The following EXT2 variants were observed in gnomAD, a reference collection of about 807,000 sequenced individuals.
The protein encoded by EXT2 is exostosin-2.
In EXT2, 53 loss-of-function variants were observed where a neutral mutation model predicts 81.6. That is an observed-to-expected ratio of 0.65 (90% CI 0.52 to 0.82). The LOEUF is 0.82. Ranked by LOEUF, EXT2 falls within the 40% of genes least tolerant of loss-of-function variation. The pLI is 0.00. For missense variants in EXT2, 774 were observed against 910.2 expected, an observed-to-expected ratio of 0.85 and a Z score of 1.93; for synonymous variants, 320 against 340.0, an observed-to-expected ratio of 0.94 and a Z score of 0.65.
At chr11:44,240,679 A>G (rs1956027043) in intron 13 of EXT2, among the ~76,000 whole-genome samples, 1 of 152,256 alleles carries the variant, frequency 6.6e-6, no homozygotes, top group South Asian at 2.1e-4. Context: ...TGAGAAATTT[A>G]ACAGAGAATA....
intron 7 of EXT2, among the ~76,000 whole-genome samples, chr11:44,144,795 A>T (rs775687575): frequency 3.3e-5 from 5 of 152,092 alleles, no homozygotes; most frequent in African/African-American, 1.2e-4. Flanking sequence ...CAGAGTATTC[A>T]TGAAGTCCTC....
intron 8 of EXT2, among the ~76,000 whole-genome samples, chr11:44,173,622 G>T (rs1257925435): frequency 1.5e-5 from 2 of 135,548 alleles, no homozygotes; most frequent in African/African-American, 2.8e-5. Flanking sequence ...AGGCTGGAGT[G>T]CAGTAGCGCA....
chr11:44,189,419 T>A (rs1955361337), intron 8 of EXT2, among the ~76,000 whole-genome samples: 1 of 152,212 alleles, frequency 6.6e-6, no homozygotes, highest in Admixed American at 6.5e-5. Flanking sequence ...TGAGACTGGA[T>A]AATTTAGAAA....
chr11:44,208,584 T>C (rs1955611121), intron 10 of EXT2, among the ~76,000 whole-genome samples: 1 of 152,242 alleles, frequency 6.6e-6, no homozygotes, highest in South Asian at 2.1e-4. Context: ...CAGGAAGCTT[T>C]CTTATCTCTG....
chr11:44,107,884 G>A lies in EXT2; in HGVS notation c.172G>A (p.Val58Ile), dbSNP rs2134966093. 6.2e-7 allele frequency: 1 copy of A among 1,614,204 alleles called. No individual in the cohort carries two copies. Among genetic ancestry groups the A allele is most frequent in the Non-Finnish European group, 8.5e-7 (1 of 1,180,040 alleles). ...HSIESSNDWN[V>I]EKRSIRDVPV... ...TATCGAGTCCTCAAATGACTGGAATGTAGAGAAGCGCAGCATCCGTGATGT... is the reference window on the plus strand; with the variant it reads ...TATCGAGTCCTCAAATGACTGGAATATAGAGAAGCGCAGCATCCGTGATGT... Residue 58 changes from valine (V) to isoleucine (I), a missense_variant, in exon 2 of 14, where the codon GTA (valine) becomes ATA (isoleucine). Around this residue, in one of 2 missense-constraint regions of EXT2, gnomAD observed 626 missense variants for 670.5 expected, o/e 0.93. Coordinates refer to ENST00000533608, the MANE Select transcript of EXT2 (RefSeq NM_207122.2).
chr11:44,096,610 C>T (rs1171052126), intron 1 of EXT2, among the ~76,000 whole-genome samples: 1 of 152,024 alleles, frequency 6.6e-6, no homozygotes, highest in African/African-American at 2.4e-5. Context: ...CGGGCCGGGG[C>T]CAGGGGCATG....
chr11:44,166,808 A>G (rs1434000026), intron 7 of EXT2, among the ~76,000 whole-genome samples: 1 of 152,208 alleles, frequency 6.6e-6, no homozygotes, highest in Non-Finnish European at 1.5e-5. Context: ...GAGATCATAT[A>G]GACTAGCATC....
intron 7 of EXT2, among the ~76,000 whole-genome samples, chr11:44,131,675 G>A (rs1954494800): frequency 6.6e-6 from 1 of 152,116 alleles, no homozygotes; most frequent in African/African-American, 2.4e-5. Context: ...CTAAACCTGT[G>A]GTTCCTAAAA....
At chr11:44,236,505 G>C (rs1955967006) in intron 13 of EXT2, 130 bp downstream of exon 13, 6 of 824,334 alleles carry the variant, frequency 7.3e-6, no homozygotes, top group Middle Eastern at 2.9e-4. Context: ...CATGTGCACT[G>C]TGGGAATTGG....
At chr11:44,195,116 G>A (rs1272270491) in intron 8 of EXT2, among the ~76,000 whole-genome samples, 3 of 152,152 alleles carry the variant, frequency 2.0e-5, no homozygotes, top group African/African-American at 7.2e-5. Context: ...TGATGTCATG[G>A]AAACAGAAGA....
At chr11:44,159,203 G>A (rs1176777533) in intron 7 of EXT2, among the ~76,000 whole-genome samples, 1 of 145,894 alleles carries the variant, frequency 6.9e-6, no homozygotes, top group Non-Finnish European at 1.5e-5. Flanking sequence ...ATATTATTTT[G>A]GTAAAATCCT....
intron 1 of EXT2, among the ~76,000 whole-genome samples, chr11:44,098,694 CAAAA>C (rs781017263): frequency 1.4e-5 from 1 of 72,458 alleles, no homozygotes; most frequent in Non-Finnish European, 2.9e-5. Flanking sequence ...GATTCTGTCT[CAAAA>C]AAAAAAAAAA....
Position 44,236,389 on chromosome 11 carries a change from C to T in EXT2, c.2018+14C>T, listed in dbSNP as rs766753987. 1.3e-5 allele frequency: 21 copies of T among 1,612,956 alleles called. No individual in the cohort carries two copies. Among genetic ancestry groups the T allele is most frequent in the Non-Finnish European group, 1.8e-5 (21 of 1,179,450 alleles). On this transcript the variant is annotated intron_variant, in intron 13 of 13. Transcript: ENST00000533608. ...CATGGTGGAGAGGTAAGTGAGCCTC[C>T]AACCAAAAGTGCGCCTTAGCCTCTG...
At chr11:44,168,241 A>G (rs1955022786) in intron 7 of EXT2, among the ~76,000 whole-genome samples, 1 of 152,194 alleles carries the variant, frequency 6.6e-6, no homozygotes, top group Admixed American at 6.5e-5. Flanking sequence ...ACACCAAAGA[A>G]AAAGGGCTAG....
chr11:44,186,416 C>T lies in EXT2; in HGVS notation c.1306-11413C>T, dbSNP rs191132594. Among the ~76,000 whole-genome samples the T allele has an allele frequency of 3.1e-3, 475 of 152,200 alleles. 2 individuals carry two copies. The highest frequency in any genetic ancestry group is 8.5e-3 in the South Asian group (41 of 4,820). ...CCATCCCACTAATGGAAGCTGCAGCCAGATGAGGGTTCTTATAAATGATTG... is the reference window on the plus strand; with the variant it reads ...CCATCCCACTAATGGAAGCTGCAGCTAGATGAGGGTTCTTATAAATGATTG... On this transcript the variant is annotated intron_variant, in intron 8 of 13. Transcript: ENST00000533608.
At chr11:44,119,240 A>G (rs1230567473) in intron 4 of EXT2, among the ~76,000 whole-genome samples, 3 of 149,384 alleles carry the variant, frequency 2.0e-5, no homozygotes, top group African/African-American at 4.9e-5. Context: ...AGGGTCCTGA[A>G]GACCACTTCC....
chr11:44,151,457 T>C (rs1477550758), intron 7 of EXT2, among the ~76,000 whole-genome samples: 2 of 152,212 alleles, frequency 1.3e-5, no homozygotes, highest in African/African-American at 2.4e-5. Context: ...TTTGAAGTCA[T>C]ATAGTTGAAA....
At chr11:44,143,632 G>C (rs1330661037) in intron 7 of EXT2, among the ~76,000 whole-genome samples, 1 of 152,206 alleles carries the variant, frequency 6.6e-6, no homozygotes, top group Non-Finnish European at 1.5e-5. Flanking sequence ...AGCAGAGCTT[G>C]TCCCTATAAC....
At chr11:44,100,121 T>C (rs552083757) in intron 1 of EXT2, among the ~76,000 whole-genome samples, 51 of 152,326 alleles carry the variant, frequency 3.3e-4, no homozygotes, top group African/African-American at 1.1e-3. Flanking sequence ...GACTGGGTAT[T>C]GTGGCCTAGC....
Sources: allele counts gnomAD v4.1 joint callset (sites outside exome capture counted in the v4.1 genomes callset), GRCh38; gene constraint gnomAD v4.1.1; regional missense constraint gnomAD v4.1.1; transcripts MANE v1.5; gene names NCBI Gene and HGNC (gene_info 2026-07-23, HGNC 2026-07-21).